The following PLXNA2 variants were observed in gnomAD, a reference collection of about 807,000 sequenced individuals.
PLXNA2 encodes the protein plexin A2, also known as plexin-A2.
PLXNA2 carries 91 observed loss-of-function variants against 193.5 expected under a neutral mutation model. The observed-to-expected ratio is 0.47, with a 90% CI of 0.40 to 0.56. PLXNA2 has a LOEUF of 0.56. Ranked by LOEUF, PLXNA2 falls within the 20% of genes least tolerant of loss-of-function variation. The pLI is 0.00. For synonymous variants in PLXNA2, 997 were observed against 1,027.3 expected (o/e 0.97, Z 0.56); for missense variants, 1,995 against 2,503.2 (o/e 0.80, Z 4.33).
At chr1:208,201,964 A>T (rs1440478188) in intron 3 of PLXNA2, among the ~76,000 whole-genome samples, 2 of 139,020 alleles carry the variant, frequency 1.4e-5, no homozygotes, top group African/African-American at 5.4e-5. Flanking sequence ...AATTTCCATC[A>T]GGGCAAGAAT....
intron 21 of PLXNA2, 100 bp from the exon 22 acceptor site, chr1:208,042,466 T>C: frequency 7.6e-7 from 1 of 1,320,634 alleles, no homozygotes; most frequent in Non-Finnish European, 1.1e-6. Context: ...ACACTAGCTG[T>C]AGGACCCTAT....
chr1:208,214,831 T>G (rs1671074515), intron 2 of PLXNA2, among the ~76,000 whole-genome samples: 1 of 152,170 alleles, frequency 6.6e-6, no homozygotes, highest in Non-Finnish European at 1.5e-5. Context: ...AATGTAGAGA[T>G]GCTAAGGTGC....
rs966513232 is a variant in PLXNA2 at position 208,079,139 on chromosome 1, C to A, written c.2586+121G>T. 1.3e-4 allele frequency: 102 copies of A among 805,412 alleles called. 1 individual carries two copies. The highest frequency in any genetic ancestry group is 2.0e-4 in the Non-Finnish European group (99 of 502,900). The allele number at this position is 805,412 out of a possible 1,614,324, so 49.9% of individuals were successfully genotyped here. A position where few individuals can be genotyped will look rare whatever the true frequency, so the allele number is the denominator to read the frequency against. On this transcript the variant is annotated intron_variant, in intron 12 of 31. Transcript: ENST00000367033. The stretch of plus-strand genomic sequence containing the variant: ...ACGCGAGAGGTTTCCTACACCCCCC[C>A]ACATTAAACTCACTGTACGCCAATA...
At chr1:208,088,178 G>A (rs1429403693) in intron 9 of PLXNA2, among the ~76,000 whole-genome samples, 1 of 152,164 alleles carries the variant, frequency 6.6e-6, no homozygotes, top group African/African-American at 2.4e-5. Flanking sequence ...AAACTTGTAG[G>A]AATACCCCAG....
rs753362143 is a variant in PLXNA2 at position 208,043,175 on chromosome 1, A to T, written c.3903T>A (p.Asn1301Lys). Residue 1301 changes from asparagine (N) to lysine (K), a missense_variant, in exon 21 of 32, where the codon AAT becomes AAA. Physicochemically the swap from Asn to Lys is moderately conservative, Grantham distance 94. This residue lies in a region of PLXNA2 where 1,291 missense variants were observed against 1,673.6 expected (regional missense o/e 0.77). Transcript: ENST00000367033. ...AGCGGTCCAGGTCACTGGTCAACTC[A>T]TTGATATCCGTCTGGAGCTCAGCAA... ...EAFAELQTDI[N>K]ELTSDLDRSG... The T allele has an allele frequency of 4.3e-6, 7 of 1,614,114 alleles. No individual in the cohort carries two copies. The highest frequency in any genetic ancestry group is 5.9e-6 in the Non-Finnish European group (7 of 1,179,986).
intron 3 of PLXNA2, among the ~76,000 whole-genome samples, chr1:208,197,513 G>A (rs543366005): frequency 2.0e-4 from 31 of 152,324 alleles, no homozygotes; most frequent in Admixed American, 5.9e-4. Context: ...GAAATTAACG[G>A]GTTGTCTGTG....
At chr1:208,113,018 A>AC (rs1420717054) in intron 4 of PLXNA2, among the ~76,000 whole-genome samples, 2 of 151,666 alleles carry the variant, frequency 1.3e-5, no homozygotes, top group African/African-American at 2.4e-5. Context: ...AAAAAAAAAA[A>AC]AAAAAACAGA....
intron 4 of PLXNA2, among the ~76,000 whole-genome samples, chr1:208,141,026 C>A (rs1195490250): frequency 1.3e-5 from 2 of 152,208 alleles, no homozygotes; most frequent in Non-Finnish European, 2.9e-5. Context: ...TTAGGCAAAG[C>A]TGTCTACAGA....
intron 8 of PLXNA2, among the ~76,000 whole-genome samples, chr1:208,094,014 A>G (rs980602646): frequency 9.2e-5 from 14 of 152,302 alleles, no homozygotes; most frequent in Non-Finnish European, 1.9e-4. Flanking sequence ...CTCACAGGCC[A>G]TAGTATGTTG....
chr1:208,079,201 A>G, intron 12 of PLXNA2, 59 bp downstream of exon 12: 3 of 1,437,204 alleles, frequency 2.1e-6, no homozygotes, highest in South Asian at 2.5e-5. Context: ...CTCCTCTCCC[A>G]CTGTCTTGGG....
intron 12 of PLXNA2, among the ~76,000 whole-genome samples, chr1:208,077,156 G>C (rs1187648901): frequency 6.6e-6 from 1 of 152,066 alleles, no homozygotes; most frequent in African/African-American, 2.4e-5. Flanking sequence ...CCTGTTCAGA[G>C]TGACCTCCCC....
chr1:208,150,105 G>A (rs188961653), intron 3 of PLXNA2, among the ~76,000 whole-genome samples: 293 of 152,260 alleles, frequency 1.9e-3, no homozygotes, highest in Non-Finnish European at 3.3e-3. Flanking sequence ...AGGAAGAAGG[G>A]AAACAGGGAT....
In PLXNA2 at chr1:208,161,690, C is replaced by T. The variant is rs189602779; in HGVS notation, c.1372-19227G>A. Among the ~76,000 whole-genome samples, 808 of 152,170 alleles carry T rather than the reference C, an allele frequency of 5.3e-3. 2 individuals are homozygous for T. Among genetic ancestry groups the T allele is most frequent in the Middle Eastern group, 0.01 (3 of 294 alleles). ...ATAATAAAAAAATTGTTATCTTCCTCCTCCTTAATTTCAGGGTGCTTTGGA... is the reference window on the plus strand; with the variant it reads ...ATAATAAAAAAATTGTTATCTTCCTTCTCCTTAATTTCAGGGTGCTTTGGA... On this transcript the variant is annotated intron_variant, in intron 3 of 31. Transcript: ENST00000367033.
chr1:208,034,697 G>C, intron 26 of PLXNA2, 105 bp from the exon 27 acceptor site: 1 of 699,454 alleles, frequency 1.4e-6, no homozygotes, highest in Non-Finnish European at 2.6e-6. Context: ...GTGGGGTAGA[G>C]AGCAAGGAGT....
At chr1:208,027,963 TG>T in intron 31 of PLXNA2, 45 bp downstream of exon 31, 1 of 1,502,598 alleles carries the variant, frequency 6.7e-7, no homozygotes, top group South Asian at 1.4e-5. Flanking sequence ...TCAGGCTTCC[TG>T]CTCCTTGCCT....
At chr1:208,123,610 C>T (rs992062300) in intron 4 of PLXNA2, among the ~76,000 whole-genome samples, 3 of 152,150 alleles carry the variant, frequency 2.0e-5, no homozygotes, top group African/African-American at 4.8e-5. Context: ...GTAGTCTGTC[C>T]ATATGTCTCT....
intron 3 of PLXNA2, among the ~76,000 whole-genome samples, chr1:208,194,158 C>T (rs894502656): frequency 2.0e-5 from 3 of 151,734 alleles, no homozygotes; most frequent in Non-Finnish European, 2.9e-5. Flanking sequence ...CCACAGTTCC[C>T]CTGGTATGTT....
At position 208,163,936 on chromosome 1, in the gene PLXNA2, A is replaced by G. The variant is rs536345408; in HGVS notation, c.1372-21473T>C. The stretch of plus-strand genomic sequence containing the variant: ...CCTTCTCCCACTCTTGGATGTCAGC[A>G]TGTGGGGGGCTTCTCATCACCACCC... On this transcript the variant is annotated intron_variant, in intron 3 of 31. Coordinates refer to ENST00000367033, the MANE Select transcript of PLXNA2 (RefSeq NM_025179.4). 2.0e-5 allele frequency among the ~76,000 whole-genome samples: 3 copies of G among 152,250 alleles called. No homozygotes were observed. In the East Asian group the frequency reaches 5.8e-4, roughly 29 times the overall value.
intron 3 of PLXNA2, among the ~76,000 whole-genome samples, chr1:208,197,517 G>T (rs1670399535): frequency 6.6e-6 from 1 of 152,226 alleles, no homozygotes; most frequent in East Asian, 1.9e-4. Flanking sequence ...TTAACGGGTT[G>T]TCTGTGGCCC....
Sources: gnomAD v4.1 joint callset for allele counts (sites outside exome capture counted in the v4.1 genomes callset) on GRCh38, gnomAD v4.1.1 for gene constraint, gnomAD v4.1.1 regional missense constraint, MANE v1.5 for transcripts, NCBI Gene and HGNC (gene_info 2026-07-23, HGNC 2026-07-21) for gene names.